Variants in CD5 observed in about 807,000 individuals in gnomAD.
CD5 encodes T-cell surface glycoprotein CD5.
CD5 carries 36 observed loss-of-function variants against 60.3 expected under a neutral mutation model. The observed-to-expected ratio is 0.60, with a 90% CI of 0.46 to 0.79. CD5 has a LOEUF of 0.79. Among genes scored for constraint, CD5 ranks in the 30% least tolerant of loss-of-function variants. The pLI, the probability that CD5 is intolerant of heterozygous loss-of-function variation, is 0.00. For synonymous variants in CD5, 230 were observed against 257.6 expected (o/e 0.89, Z 1.03); for missense variants, 540 against 630.6 (o/e 0.86, Z 1.54).
Position 61,125,744 on chromosome 11 carries a change from T to A in CD5, c.1400-7T>A. 1 of 1,604,196 alleles carries A rather than the reference T, an allele frequency of 6.2e-7. No homozygotes were observed. Among genetic ancestry groups the A allele is most frequent in the Admixed American group, 1.7e-5 (1 of 59,278 alleles). On this transcript the variant is annotated splice_polypyrimidine_tract_variant and splice_region_variant and intron_variant, in intron 9 of 10. Coordinates refer to ENST00000347785, the MANE Select transcript of CD5 (RefSeq NM_014207.4). ...CCCTCTGCAAACAGCGTCCTTTCTT[T>A]CCCCAGCTCTGGAAGGGGCTCTGCA...
intron 1 of CD5, among the ~76,000 whole-genome samples, chr11:61,108,166 C>T (rs997578283): frequency 1.3e-5 from 2 of 152,210 alleles, no homozygotes; most frequent in Admixed American, 1.3e-4. Context: ...CATGAGAGAG[C>T]TTTGGGGTAG....
intron 1 of CD5, among the ~76,000 whole-genome samples, chr11:61,113,835 A>AT (rs1486350954): frequency 6.6e-6 from 1 of 152,026 alleles, no homozygotes; most frequent in African/African-American, 2.4e-5. Flanking sequence ...CGCCGAGCTA[A>AT]TTTTTGTTAT....
At chr11:61,116,619 ACACACACAC>A (rs1482719093) in intron 2 of CD5, among the ~76,000 whole-genome samples, 1,646 of 91,848 alleles carry the variant, frequency 0.018, 45 homozygotes, top group African/African-American at 0.065. Context: ...CACACATACC[ACACACACAC>A]CACACACACC....
In CD5 at chr11:61,121,675, G is replaced by C; in HGVS notation, c.870G>C (p.Glu290Asp). 6.3e-7 allele frequency: 1 copy of C among 1,585,444 alleles called. No homozygotes were observed. The highest frequency in any genetic ancestry group is 1.3e-5 in the African/African-American group (1 of 74,518). ...GCAGCATCTGTGAAGGCACCGTGGA[G>C]GTGCGCCAGGGGGCTCAGTGGGCAG... ...GGSSICEGTV[E>D]VRQGAQWAAL... The change falls in exon 6 of 11, where the codon GAG (glutamate) becomes GAC (aspartate). Residue 290 changes from glutamate (E) to aspartate (D), a missense_variant. By Grantham distance (45) the Glu-to-Asp change is conservative. Coordinates refer to ENST00000347785, the MANE Select transcript of CD5 (RefSeq NM_014207.4).
At chr11:61,113,564 TG>T (rs1214129175) in intron 1 of CD5, among the ~76,000 whole-genome samples, 1 of 152,264 alleles carries the variant, frequency 6.6e-6, no homozygotes, top group African/African-American at 2.4e-5. Context: ...TCTCCAGAAA[TG>T]GGCAGCTGTT....
chr11:61,105,318 C>T (rs778647161), intron 1 of CD5, among the ~76,000 whole-genome samples: 12 of 152,190 alleles, frequency 7.9e-5, no homozygotes, highest in African/African-American at 1.4e-4. Flanking sequence ...AGCACTGGGA[C>T]GTGGGAAAGT....
At chr11:61,101,911 T>TACACACAC (rs35648034), upstream of CD5, among the ~76,000 whole-genome samples, 10 of 142,464 alleles carry the variant, frequency 7.0e-5, no homozygotes, top group Non-Finnish European at 1.2e-4. Context: ...TCTCTCTCTC[T>TACACACAC]ACACACACAC....
chr11:61,102,440 T>TTC, upstream of CD5: 1 of 507,684 alleles, frequency 2.0e-6, no homozygotes, highest in Non-Finnish European at 3.6e-6. Context: ...CTGCTCCCCG[T>TTC]CCCACCCCTC....
chr11:61,096,609 G>T, the CD5 span, among the ~76,000 whole-genome samples: 1 of 152,192 alleles, frequency 6.6e-6, no homozygotes, highest in African/African-American at 2.4e-5. Context: ...GCTGGGAAGA[G>T]ACTTGCTTAG....
At chr11:61,116,480 TACAC>T (rs1386427573) in intron 2 of CD5, among the ~76,000 whole-genome samples, 1 of 48,548 alleles carries the variant, frequency 2.1e-5, no homozygotes, top group African/African-American at 8.7e-5. Context: ...GCACACCACA[TACAC>T]ACCCCACACA....
rs199710662 is a variant in CD5, at chr11:61,125,181, C to G, written c.1399+30C>G. 1.3e-3 allele frequency: 2,043 copies of G among 1,613,164 alleles called. 1 individual carries two copies. Among genetic ancestry groups the G allele is most frequent in the Middle Eastern group, 5.5e-3 (33 of 6,054 alleles). ...GCACCAGCGGGTGCTCCCAGGCACGCAGGCAGGGCTGCAGCAGGCCGCCAA... is the reference window on the plus strand; with the variant it reads ...GCACCAGCGGGTGCTCCCAGGCACGGAGGCAGGGCTGCAGCAGGCCGCCAA... On this transcript the variant is annotated intron_variant, in intron 9 of 10. Transcript: ENST00000347785.
intron 5 of CD5, among the ~76,000 whole-genome samples, chr11:61,120,349 T>A (rs1032139712): frequency 1.3e-5 from 2 of 152,198 alleles, no homozygotes; most frequent in Non-Finnish European, 2.9e-5. Context: ...TACCGAGAGC[T>A]TACTTCATGC....
intron 1 of CD5, among the ~76,000 whole-genome samples, chr11:61,107,113 G>C (rs968277443): frequency 6.6e-6 from 1 of 152,190 alleles, no homozygotes; most frequent in Non-Finnish European, 1.5e-5. Context: ...GATAGAGGAG[G>C]GCTGGGACCG....
At chr11:61,108,665 A>G (rs1051836869) in intron 1 of CD5, among the ~76,000 whole-genome samples, 2 of 152,236 alleles carry the variant, frequency 1.3e-5, no homozygotes, top group Admixed American at 1.3e-4. Context: ...AAACACAGGC[A>G]GATCTATTGT....
At chr11:61,123,812 T>TGCCCC in intron 7 of CD5, 72 bp from the exon 8 acceptor site, 1 of 339,974 alleles carries the variant, frequency 2.9e-6, no homozygotes, top group Non-Finnish European at 5.5e-6. Flanking sequence ...CCCAGCCCCA[T>TGCCCC]CCCCACCCCT....
At chr11:61,097,199 T>C in the CD5 span, among the ~76,000 whole-genome samples, 2 of 152,188 alleles carry the variant, frequency 1.3e-5, no homozygotes, top group South Asian at 2.1e-4. Context: ...CTTCATGTTA[T>C]GTATGCGGAG....
At position 61,116,688 on chromosome 11, in the gene CD5, CCA is replaced by C. The variant is rs1860964537; in HGVS notation, c.95-1484_95-1483del. Among the ~76,000 whole-genome samples the C allele has an allele frequency of 1.8e-5, 2 of 110,534 alleles. 1 individual carries two copies. Among genetic ancestry groups the C allele is most frequent in the Non-Finnish European group, 3.8e-5 (2 of 53,304 alleles). 72.5% of individuals were successfully genotyped at this position (110,534 alleles called of 152,430 possible). A position where few individuals can be genotyped will look rare whatever the true frequency, so the allele number is the denominator to read the frequency against. ...ACACCACACACACACACTACACACA[CCA>C]CATACACACCACACACACCACATGC... On this transcript the variant is annotated intron_variant, in intron 2 of 10. Coordinates refer to ENST00000347785, the MANE Select transcript of CD5 (RefSeq NM_014207.4).
At chr11:61,112,416 G>C (rs1475124671) in intron 1 of CD5, among the ~76,000 whole-genome samples, 1 of 152,164 alleles carries the variant, frequency 6.6e-6, no homozygotes, top group Non-Finnish European at 1.5e-5. Context: ...GGCTGAGGGG[G>C]GTGGATCACC....
intron 5 of CD5, among the ~76,000 whole-genome samples, chr11:61,120,393 A>G (rs1861040233): frequency 6.6e-6 from 1 of 152,070 alleles, no homozygotes; most frequent in African/African-American, 2.4e-5. Flanking sequence ...AATTTTTCAC[A>G]TGGCCTTAGG....
Sources: allele counts gnomAD v4.1 joint callset (sites outside exome capture counted in the v4.1 genomes callset), GRCh38; gene constraint gnomAD v4.1.1; transcripts MANE v1.5; gene names NCBI Gene and HGNC (gene_info 2026-07-23, HGNC 2026-07-21).